The following DGKI variants were observed in gnomAD, a reference collection of about 807,000 sequenced individuals.
The protein encoded by DGKI is diacylglycerol kinase iota, also known as DAG kinase iota.
In DGKI, 55 loss-of-function variants were observed where a neutral mutation model predicts 147.5. That is an observed-to-expected ratio of 0.37 (90% CI 0.30 to 0.47). The LOEUF (loss-of-function observed/expected upper bound fraction) is 0.47, where lower values mean the gene tolerates loss of function less well. DGKI is among the 20% of genes least tolerant of loss of function. The probability of loss-of-function intolerance (pLI) is 1.00; values close to 1 mark genes in which losing one functional copy is unlikely to be tolerated. For missense variants in DGKI, 1,007 were observed against 1,323.8 expected (o/e 0.76, Z 3.71); for synonymous variants, 469 against 477.1 (o/e 0.98, Z 0.22).
At chr7:137,685,213 G>A (rs1281111047) in intron 2 of DGKI, among the ~76,000 whole-genome samples, 4 of 152,188 alleles carry the variant, frequency 2.6e-5, no homozygotes, top group African/African-American at 9.7e-5. Flanking sequence ...TTGTGTTGAG[G>A]CTCTGTTTTC....
intron 1 of DGKI, among the ~76,000 whole-genome samples, chr7:137,839,158 G>A (rs142482675): frequency 6.6e-6 from 1 of 152,300 alleles, no homozygotes; most frequent in African/African-American, 2.4e-5. Context: ...CACTGACTGT[G>A]CCTCTCTCCT....
Position 137,466,047 on chromosome 7 carries a change from C to A in DGKI, c.2485-12G>T. Reference sequence around the variant, plus strand: ...AAGTGCAAATGTTCCTAAAGAAGAACAAGAAGTCTGTTGCATGAAGAATAA... The same window carrying A: ...AAGTGCAAATGTTCCTAAAGAAGAAAAAGAAGTCTGTTGCATGAAGAATAA... On this transcript the variant is annotated splice_polypyrimidine_tract_variant and intron_variant, in intron 25 of 32. Coordinates refer to ENST00000614521, the MANE Select transcript of DGKI (RefSeq NM_001321708.2). 1 of 1,612,902 alleles carries A rather than the reference C, an allele frequency of 6.2e-7. No homozygotes were observed. The highest frequency in any genetic ancestry group is 2.2e-5 in the East Asian group (1 of 44,824).
intron 29 of DGKI, among the ~76,000 whole-genome samples, chr7:137,411,265 T>C (rs1236217693): frequency 6.6e-6 from 1 of 152,142 alleles, no homozygotes; most frequent in Non-Finnish European, 1.5e-5. Flanking sequence ...ATATGGGCAG[T>C]CATCAGCCTG....
intron 1 of DGKI, chr7:137,722,391 G>A (rs1794590246): frequency 6.2e-7 from 1 of 1,612,300 alleles, no homozygotes; most frequent in African/African-American, 1.3e-5. Context: ...CCTTCAGTCA[G>A]CACGTGAGAA....
At position 137,698,183 on chromosome 7, in the gene DGKI, T is replaced by C. The variant is rs115311193; in HGVS notation, c.402-8181A>G. Among the ~76,000 whole-genome samples, 948 of 151,928 alleles carry C rather than the reference T, an allele frequency of 6.2e-3. 13 individuals are homozygous for C. Among genetic ancestry groups the C allele is most frequent in the African/African-American group, 0.022 (901 of 41,496 alleles). ...ATATATCTCCAGATAGATAGATATA[T>C]AGATAGATCCATATCCTGGAAAATA... On this transcript the variant is annotated intron_variant, in intron 1 of 32. Transcript: ENST00000614521.
In DGKI at chr7:137,384,344, G is replaced by A. The variant is rs1310366089; in HGVS notation, c.*6876C>T. 6.6e-6 allele frequency: 1 copy of A among 151,664 alleles called. No individual in the cohort carries two copies. Among genetic ancestry groups the A allele is most frequent in the South Asian group, 2.1e-4 (1 of 4,822 alleles). The allele number at this position is 151,664 out of a possible 1,614,324, so 9.4% of individuals were successfully genotyped here. On this transcript the variant is annotated 3_prime_UTR_variant, in exon 33 of 33. Transcript: ENST00000614521. The stretch of plus-strand genomic sequence containing the variant: ...CCGACAGCAAAAACTCTGACTTTTT[G>A]ATTTCACATTCTCCCTTATTTCTAA...
At chr7:137,645,436 G>C (rs184761066) in intron 6 of DGKI, 36 bp downstream of exon 6, 11 of 1,598,828 alleles carry the variant, frequency 6.9e-6, no homozygotes, top group Admixed American at 1.7e-5. Flanking sequence ...GGCCTGGGGA[G>C]CCTCCTGCGA....
Position 137,463,479 on chromosome 7 carries a change from G to T in DGKI, c.2735+10C>A, listed in dbSNP as rs766638787. On this transcript the variant is annotated intron_variant, in intron 27 of 32. Transcript: ENST00000614521. ...GGCACAGAGGAAAAGAACAGCAAGA[G>T]AACTCTTACTGTAGCACGCGGGAGT... 3 of 1,613,470 alleles carry T rather than the reference G, an allele frequency of 1.9e-6. No individual in the cohort carries two copies. The East Asian group carries it at 6.7e-5, about 36-fold the overall frequency.
intron 2 of DGKI, among the ~76,000 whole-genome samples, chr7:137,686,738 G>A (rs375888751): frequency 9.9e-5 from 15 of 152,124 alleles, no homozygotes; most frequent in African/African-American, 3.1e-4. Flanking sequence ...TAGTCTATGC[G>A]CACTAAATCA....
chr7:137,547,232 T>C (rs865021), intron 20 of DGKI, among the ~76,000 whole-genome samples: 16,716 of 152,236 alleles, frequency 0.11, 2,059 homozygotes, highest in African/African-American at 0.3. Flanking sequence ...ATACTCTGTG[T>C]AGATTCCTAT....
In DGKI at chr7:137,395,777, G is replaced by T. The variant is rs575406056; in HGVS notation, c.2958-80C>A. The T allele has an allele frequency of 3.1e-4, 411 of 1,316,008 alleles. 1 individual carries two copies. In the African/African-American group the frequency reaches 5.4e-3, roughly 17 times the overall value. 81.5% of individuals were successfully genotyped at this position (1,316,008 alleles called of 1,614,324 possible). On this transcript the variant is annotated intron_variant, in intron 31 of 32. Coordinates refer to ENST00000614521, the MANE Select transcript of DGKI (RefSeq NM_001321708.2). ...AATGGGTGAGGGGAGCTGATGTAGG[G>T]TGCTCCTCAGCCTCCTTCCCTGTAG...
intron 6 of DGKI, among the ~76,000 whole-genome samples, chr7:137,638,515 T>TACAC (rs1821449163): frequency 8.4e-6 from 1 of 118,960 alleles, no homozygotes; most frequent in Admixed American, 8.2e-5. Context: ...TATATATGTG[T>TACAC]GTATATATAT....
At chr7:137,413,855 C>T (rs1812257473) in intron 28 of DGKI, among the ~76,000 whole-genome samples, 1 of 152,130 alleles carries the variant, frequency 6.6e-6, no homozygotes. Flanking sequence ...TGAGAAATCT[C>T]CAAACTGCTT....
intron 1 of DGKI, among the ~76,000 whole-genome samples, chr7:137,731,640 A>T (rs1446968386): frequency 1.3e-5 from 2 of 152,008 alleles, no homozygotes; most frequent in Non-Finnish European, 1.5e-5. Flanking sequence ...CACTATCTTG[A>T]CTCACATTTC....
At chr7:137,674,484 T>A (rs1366874303) in intron 3 of DGKI, among the ~76,000 whole-genome samples, 1 of 152,234 alleles carries the variant, frequency 6.6e-6, no homozygotes, top group Non-Finnish European at 1.5e-5. Context: ...ATCCCTAATG[T>A]TACGGCATCA....
intron 1 of DGKI, among the ~76,000 whole-genome samples, chr7:137,769,727 C>A (rs1796127088): frequency 1.3e-5 from 2 of 152,218 alleles, no homozygotes; most frequent in South Asian, 4.1e-4. Context: ...AAAAATAGCT[C>A]ATCATCACTG....
chr7:137,494,223 A>C (rs189390245), intron 21 of DGKI, among the ~76,000 whole-genome samples: 1 of 152,346 alleles, frequency 6.6e-6, no homozygotes, highest in African/African-American at 2.4e-5. Flanking sequence ...GAAAAAGAGA[A>C]AGCAAGCAAC....
At chr7:137,771,531 G>A (rs1796196275) in intron 1 of DGKI, 1 of 152,122 alleles carries the variant, frequency 6.6e-6, no homozygotes, top group Non-Finnish European at 1.5e-5. Context: ...AAGCAGTTTT[G>A]TACACATCTA....
chr7:137,444,594 G>A lies in DGKI; in HGVS notation c.2736-492C>T, dbSNP rs369287821. ...GTTTTCACTCTTCATGGAATTTAATGTTTGAGTGAGCTGACCCTCTATTCG... is the reference window on the plus strand; with the variant it reads ...GTTTTCACTCTTCATGGAATTTAATATTTGAGTGAGCTGACCCTCTATTCG... On this transcript the variant is annotated intron_variant, in intron 27 of 32. Transcript: ENST00000614521. Among the ~76,000 whole-genome samples, 32 of 152,338 alleles carry A rather than the reference G, an allele frequency of 2.1e-4. No homozygotes were observed. The South Asian group carries it at 6.4e-3, about 31-fold the overall frequency.
Sources: allele counts gnomAD v4.1 joint callset (sites outside exome capture counted in the v4.1 genomes callset), GRCh38; gene constraint gnomAD v4.1.1; transcripts MANE v1.5; gene names NCBI Gene and HGNC (gene_info 2026-07-23, HGNC 2026-07-21).